Variants in EXOC6B observed in about 807,000 individuals in gnomAD.
EXOC6B encodes SEC15 homolog B.
In EXOC6B, 54 loss-of-function variants were observed where a neutral mutation model predicts 113.5. The observed-to-expected ratio is 0.48, with a 90% confidence interval of 0.38 to 0.60. EXOC6B has a LOEUF of 0.60. EXOC6B is among the 20% of genes least tolerant of loss of function. EXOC6B has a pLI of 0.00. For synonymous variants in EXOC6B, 357 were observed against 339.0 expected (o/e 1.05, Z -0.58); for missense variants, 797 against 977.5 (o/e 0.82, Z 2.46).
chr2:72,270,849 C>A (rs962026979), intron 20 of EXOC6B, among the ~76,000 whole-genome samples: 7 of 152,080 alleles, frequency 4.6e-5, no homozygotes, highest in Admixed American at 2.6e-4. Context: ...TTAAGCCTCA[C>A]CTAAATGGTT....
intron 18 of EXOC6B, among the ~76,000 whole-genome samples, chr2:72,448,008 A>G (rs973807659): frequency 1.1e-4 from 16 of 152,198 alleles, no homozygotes; most frequent in African/African-American, 3.9e-4. Context: ...AATGCAATTT[A>G]ATCAGTAACT....
rs183721169 is a variant in EXOC6B at position 72,550,927 on chromosome 2, T to A, written c.915+8526A>T. Among the ~76,000 whole-genome samples the A allele has an allele frequency of 5.2e-3, 789 of 150,680 alleles. 5 individuals are homozygous for A. The highest frequency in any genetic ancestry group is 0.011 in the African/African-American group (441 of 41,362). ...CCATTTATTTTTTTTTTATTTTTTT[T>A]TTTTTTTTTGAGACGGAGTCTCACC... is the stretch of plus-strand genomic sequence containing the variant. On this transcript the variant is annotated intron_variant, in intron 8 of 21. Transcript: ENST00000272427.
intron 6 of EXOC6B, among the ~76,000 whole-genome samples, chr2:72,591,334 A>T (rs1322327166): frequency 6.6e-6 from 1 of 152,130 alleles, no homozygotes; most frequent in Non-Finnish European, 1.5e-5. Context: ...CTGTTACCTC[A>T]GGTTCAGAAT....
At chr2:72,440,011 A>T (rs1696105687) in intron 18 of EXOC6B, among the ~76,000 whole-genome samples, 1 of 152,002 alleles carries the variant, frequency 6.6e-6, no homozygotes, top group African/African-American at 2.4e-5. Context: ...ATCAGCAGTG[A>T]AGGCTGAGAA....
intron 20 of EXOC6B, among the ~76,000 whole-genome samples, chr2:72,252,415 A>T (rs1049885873): frequency 1.3e-5 from 2 of 152,150 alleles, no homozygotes; most frequent in African/African-American, 4.8e-5. Flanking sequence ...GCAAGGCAAT[A>T]TAATAGAAAG....
intron 7 of EXOC6B, among the ~76,000 whole-genome samples, chr2:72,565,255 G>A (rs1327048434): frequency 6.6e-6 from 1 of 151,376 alleles, no homozygotes; most frequent in Admixed American, 6.6e-5. Context: ...GGAGGCTGAA[G>A]TGGGAGGATC....
At chr2:72,801,317 TAATTA>T (rs1382428032) in intron 1 of EXOC6B, among the ~76,000 whole-genome samples, 3 of 152,204 alleles carry the variant, frequency 2.0e-5, no homozygotes, top group Non-Finnish European at 4.4e-5. Context: ...AAATAATTTA[TAATTA>T]AAGACACTTA....
At chr2:72,530,961 T>C (rs1416206597) in intron 8 of EXOC6B, among the ~76,000 whole-genome samples, 1 of 152,128 alleles carries the variant, frequency 6.6e-6, no homozygotes. Context: ...AACCTGCCTA[T>C]ATCATTATAC....
chr2:72,230,949 C>T (rs184589055), intron 20 of EXOC6B, among the ~76,000 whole-genome samples: 4 of 152,212 alleles, frequency 2.6e-5, no homozygotes, highest in East Asian at 1.9e-4. Flanking sequence ...GTTTTAAAAA[C>T]GTCAAAAGAA....
intron 8 of EXOC6B, among the ~76,000 whole-genome samples, chr2:72,520,283 C>T (rs1401169771): frequency 6.6e-6 from 1 of 152,154 alleles, no homozygotes; most frequent in African/African-American, 2.4e-5. Flanking sequence ...CCTCTACTTT[C>T]ATATTTGCCC....
chr2:72,350,406 T>G (rs1482036043), intron 19 of EXOC6B, among the ~76,000 whole-genome samples: 2 of 152,170 alleles, frequency 1.3e-5, no homozygotes, highest in African/African-American at 4.8e-5. Context: ...CAGGCTAAAT[T>G]TATGCAATTA....
chr2:72,700,702 A>G (rs1471728588), intron 6 of EXOC6B, among the ~76,000 whole-genome samples: 1 of 152,202 alleles, frequency 6.6e-6, no homozygotes, highest in African/African-American at 2.4e-5. Context: ...AGTGGCTCAC[A>G]CCTGTAATGC....
intron 5 of EXOC6B, among the ~76,000 whole-genome samples, chr2:72,726,304 G>T (rs1040462429): frequency 6.6e-6 from 1 of 152,170 alleles, no homozygotes; most frequent in East Asian, 1.9e-4. Flanking sequence ...TTACAACCAC[G>T]TGAATGTACT....
At chr2:72,738,100 A>C in intron 2 of EXOC6B, among the ~76,000 whole-genome samples, 1 of 152,128 alleles carries the variant, frequency 6.6e-6, no homozygotes, top group East Asian at 1.9e-4. Flanking sequence ...TTCAAATATG[A>C]CTTTCTATGT....
rs1701041152 is a variant in EXOC6B at position 72,513,246 on chromosome 2, A to T, written c.1053T>A (p.Phe351Leu). 1.9e-6 allele frequency: 3 copies of T among 1,612,550 alleles called. No homozygotes were observed. The highest frequency in any genetic ancestry group is 2.2e-5 in the South Asian group (2 of 90,904). Reference sequence around the variant, plus strand: ...TATGTAAAATGTGATCTTCAACCACAAAAAAGCTAAGATTGAGGAAAAAAG... The same window carrying T: ...TATGTAAAATGTGATCTTCAACCACTAAAAAGCTAAGATTGAGGAAAAAAG... ...RKYFNQIVGF[F>L]VVEDHILHTT... is the part of the protein sequence containing the mutation. Residue 351 changes from phenylalanine to leucine, a missense_variant, in exon 11 of 22, where the codon TTT (phenylalanine) becomes TTA (leucine). Coordinates refer to ENST00000272427, the MANE Select transcript of EXOC6B (RefSeq NM_015189.3).
At chr2:72,478,946 T>C (rs1294395210) in intron 17 of EXOC6B, among the ~76,000 whole-genome samples, 1 of 152,224 alleles carries the variant, frequency 6.6e-6, no homozygotes, top group Non-Finnish European at 1.5e-5. Flanking sequence ...ATAAATCTAA[T>C]GCCCAAGCTC....
intron 19 of EXOC6B, 132 bp downstream of exon 19, chr2:72,379,597 G>A (rs1691559802): frequency 2.5e-6 from 2 of 815,058 alleles, no homozygotes; most frequent in Non-Finnish European, 3.6e-6. Context: ...TGTTCTATAA[G>A]TTATCTCTGT....
At chr2:72,550,912 T>A (rs1015082579) in intron 8 of EXOC6B, among the ~76,000 whole-genome samples, 18 of 148,990 alleles carry the variant, frequency 1.2e-4, no homozygotes, top group Middle Eastern at 3.4e-3. Flanking sequence ...CCATTTATTT[T>A]TTTTTTATTT....
chr2:72,583,564 C>T (rs567441438), intron 6 of EXOC6B, among the ~76,000 whole-genome samples: 1 of 152,202 alleles, frequency 6.6e-6, no homozygotes, highest in Admixed American at 6.5e-5. Flanking sequence ...AGTATTGTTA[C>T]AGAAGAGAAA....
Sources: gnomAD v4.1 joint callset for allele counts (sites outside exome capture counted in the v4.1 genomes callset) on GRCh38, gnomAD v4.1.1 for gene constraint, MANE v1.5 for transcripts, NCBI Gene and HGNC (gene_info 2026-07-23, HGNC 2026-07-21) for gene names.